The following CDH13 variants were observed in gnomAD, a reference collection of about 807,000 sequenced individuals.
CDH13 encodes cadherin-13.
CDH13 carries 24 observed loss-of-function variants against 63.8 expected under a neutral mutation model. The observed-to-expected ratio is 0.38, with a 90% CI of 0.27 to 0.53. The LOEUF (loss-of-function observed/expected upper bound fraction) is 0.53, where lower values mean the gene tolerates loss of function less well. Among genes scored for constraint, CDH13 ranks in the 20% least tolerant of loss-of-function variants. The probability of loss-of-function intolerance (pLI) is 0.85; values close to 1 mark genes in which losing one functional copy is unlikely to be tolerated. For missense variants in CDH13, 1,049 were observed against 903.1 expected (o/e 1.16, Z -2.07); for synonymous variants, 503 against 355.3 (o/e 1.42, Z -4.67).
At chr16:83,454,972 A>G (rs896410284) in intron 6 of CDH13, among the ~76,000 whole-genome samples, 2 of 152,216 alleles carry the variant, frequency 1.3e-5, no homozygotes, top group Middle Eastern at 3.4e-3. Flanking sequence ...AGCCTCCCAA[A>G]GTGCTGAGAT....
intron 7 of CDH13, among the ~76,000 whole-genome samples, chr16:83,573,891 C>G (rs751594545): frequency 2.0e-5 from 3 of 152,124 alleles, no homozygotes; most frequent in Non-Finnish European, 2.9e-5. Flanking sequence ...ATTATTTTGG[C>G]AGTTCTCAGT....
At chr16:83,108,490 T>G (rs1238018097) in intron 3 of CDH13, among the ~76,000 whole-genome samples, 2 of 152,180 alleles carry the variant, frequency 1.3e-5, no homozygotes, top group Non-Finnish European at 2.9e-5. Flanking sequence ...CCTCATAGAT[T>G]GAATCCCAGG....
chr16:83,406,094 T>A (rs1056698999), intron 6 of CDH13, among the ~76,000 whole-genome samples: 1 of 152,110 alleles, frequency 6.6e-6, no homozygotes, highest in African/African-American at 2.4e-5. Context: ...TCAAGGAAGC[T>A]AATGTCCTCA....
At chr16:83,106,896 A>AT (rs1555589744) in intron 3 of CDH13, among the ~76,000 whole-genome samples, 179 of 151,014 alleles carry the variant, frequency 1.2e-3, no homozygotes, top group Middle Eastern at 6.9e-3. Context: ...TATGTGGATG[A>AT]TTTTTTTTTT....
chr16:82,742,151 A>G (rs1160334126), intron 1 of CDH13, among the ~76,000 whole-genome samples: 1 of 152,188 alleles, frequency 6.6e-6, no homozygotes, highest in Non-Finnish European at 1.5e-5. Flanking sequence ...GTATGTTCCA[A>G]CATAAGAAAT....
chr16:82,968,879 G>A (rs1156908839), intron 2 of CDH13, among the ~76,000 whole-genome samples: 1 of 152,174 alleles, frequency 6.6e-6, no homozygotes, highest in African/African-American at 2.4e-5. Context: ...CAGCAGTTTG[G>A]GAGGCTGAGT....
At chr16:82,899,384 CA>C (rs1202926939) in intron 2 of CDH13, among the ~76,000 whole-genome samples, 4 of 152,134 alleles carry the variant, frequency 2.6e-5, no homozygotes, top group African/African-American at 9.7e-5. Context: ...ATGGTTTACG[CA>C]AAAGCCATGT....
At chr16:83,781,539 A>G (rs530367372) in intron 12 of CDH13, among the ~76,000 whole-genome samples, 75 of 152,130 alleles carry the variant, frequency 4.9e-4, no homozygotes, top group African/African-American at 1.7e-3. Flanking sequence ...CCTATCTCAT[A>G]TCTCATTTTT....
At chr16:82,879,926 G>C (rs1226617814) in intron 2 of CDH13, among the ~76,000 whole-genome samples, 1 of 134,840 alleles carries the variant, frequency 7.4e-6, no homozygotes. Context: ...AGATATTATA[G>C]AAATATATAA....
chr16:83,197,754 CTAAA>C (rs983132359), intron 4 of CDH13, among the ~76,000 whole-genome samples: 1 of 151,670 alleles, frequency 6.6e-6, no homozygotes, highest in South Asian at 2.1e-4. Context: ...CTGCAAAAAA[CTAAA>C]TACACACACA....
At chr16:82,724,005 G>T (rs1440905542) in intron 1 of CDH13, among the ~76,000 whole-genome samples, 3 of 152,076 alleles carry the variant, frequency 2.0e-5, no homozygotes, top group African/African-American at 4.8e-5. Context: ...CCAGATGCTG[G>T]GCTGAGTTTT....
intron 3 of CDH13, among the ~76,000 whole-genome samples, chr16:83,053,921 C>T (rs955061612): frequency 1.3e-5 from 2 of 152,124 alleles, no homozygotes; most frequent in East Asian, 1.9e-4. Context: ...GACATAACAA[C>T]GTTTTGGTCA....
At chr16:82,711,220 T>C (rs2151006543) in intron 1 of CDH13, among the ~76,000 whole-genome samples, 1 of 152,206 alleles carries the variant, frequency 6.6e-6, no homozygotes, top group South Asian at 2.1e-4. Context: ...TTCAAGGAGA[T>C]CTAACAGTGT....
intron 10 of CDH13, chr16:83,735,149 T>A (rs935874141): frequency 6.6e-6 from 1 of 152,222 alleles, no homozygotes; most frequent in African/African-American, 2.4e-5. Flanking sequence ...AGAATTGCTT[T>A]GCTTTTGACA....
At chr16:82,927,194 G>T (rs2042331786) in intron 2 of CDH13, among the ~76,000 whole-genome samples, 1 of 152,126 alleles carries the variant, frequency 6.6e-6, no homozygotes, top group South Asian at 2.1e-4. Context: ...GAACAAGGTA[G>T]AAATGAGTGA....
chr16:83,293,285 A>C (rs2089507503), intron 5 of CDH13, among the ~76,000 whole-genome samples: 1 of 152,182 alleles, frequency 6.6e-6, no homozygotes, highest in Non-Finnish European at 1.5e-5. Context: ...CATTTATTGA[A>C]GCTTATTACG....
At chr16:83,502,930 G>A (rs1178201934) in intron 7 of CDH13, among the ~76,000 whole-genome samples, 1 of 152,178 alleles carries the variant, frequency 6.6e-6, no homozygotes, top group Admixed American at 6.5e-5. Flanking sequence ...CAACCAGCCT[G>A]CCTGAGTTGG....
intron 4 of CDH13, among the ~76,000 whole-genome samples, chr16:83,147,488 G>A (rs923880668): frequency 1.3e-5 from 2 of 152,092 alleles, no homozygotes; most frequent in Admixed American, 6.5e-5. Context: ...TTCTGATCTG[G>A]TGCCTTATCC....
chr16:83,130,100 A>C (rs1247117656), intron 4 of CDH13, among the ~76,000 whole-genome samples: 2 of 152,238 alleles, frequency 1.3e-5, no homozygotes, highest in Non-Finnish European at 1.5e-5. Context: ...AATTTAATGG[A>C]GGAGAAAACA....
Sources: allele counts gnomAD v4.1 joint callset (sites outside exome capture counted in the v4.1 genomes callset), GRCh38; gene constraint gnomAD v4.1.1; transcripts MANE v1.5; gene names NCBI Gene and HGNC (gene_info 2026-07-23, HGNC 2026-07-21).